Variants in DOCK9 observed in about 807,000 individuals in gnomAD.
The protein encoded by DOCK9 is dedicator of cytokinesis 9.
DOCK9 carries 89 observed loss-of-function variants against 263.3 expected under a neutral mutation model. That is an observed-to-expected ratio of 0.34 (90% confidence interval 0.28 to 0.40). The LOEUF is 0.40. Among genes scored for constraint, DOCK9 ranks in the 10% least tolerant of loss-of-function variants. DOCK9 has a pLI of 1.00. For missense variants in DOCK9, 2,140 were observed against 2,603.4 expected (o/e 0.82, Z 3.87); for synonymous variants, 976 against 973.1 (o/e 1.00, Z -0.06).
At chr13:98,817,364 G>A (rs762302499) in intron 45 of DOCK9, among the ~76,000 whole-genome samples, 1 of 150,388 alleles carries the variant, frequency 6.6e-6, no homozygotes, top group Non-Finnish European at 1.5e-5. Flanking sequence ...CTGCGGAACT[G>A]TGAGTCAATT....
At chr13:98,939,082 G>A (rs1258027931) in intron 2 of DOCK9, among the ~76,000 whole-genome samples, 2 of 152,266 alleles carry the variant, frequency 1.3e-5, no homozygotes, top group East Asian at 3.8e-4. Context: ...GGAGTACCCA[G>A]CAGCCTCCCA....
At chr13:98,955,332 A>G in intron 2 of DOCK9, 103 bp downstream of exon 2, 3 of 761,560 alleles carry the variant, frequency 3.9e-6, no homozygotes, top group Non-Finnish European at 5.9e-6. Flanking sequence ...AAAAATAATA[A>G]TAATAATAAT....
In DOCK9 at chr13:98,824,465, G is replaced by T; in HGVS notation, c.5063C>A (p.Thr1688Asn). The T allele has an allele frequency of 6.2e-7, 1 of 1,613,902 alleles. No individual in the cohort carries two copies. Among genetic ancestry groups the T allele is most frequent in the South Asian group, 1.1e-5 (1 of 91,080 alleles). ...GGAGGCCTCCTCGTCGATGTTTGGG[G>T]TAATGACCCTGAAGGCGGTGCATCC... ...RQGCTAFRVI[T>N]PNIDEEASMM... Residue 1688 changes from threonine to asparagine, a missense_variant, in exon 45 of 53, where the codon ACC (threonine) becomes AAC (asparagine). Around this residue, in one of 2 missense-constraint regions of DOCK9, gnomAD observed 619 missense variants for 861.8 expected, o/e 0.72. Transcript: ENST00000682017.
intron 13 of DOCK9, among the ~76,000 whole-genome samples, chr13:98,899,592 G>A (rs575725431): frequency 7.2e-5 from 11 of 152,260 alleles, no homozygotes; most frequent in South Asian, 2.1e-4. Flanking sequence ...GACTTAGTGG[G>A]GTCTTAGGTG....
In DOCK9 at chr13:98,977,724, C is replaced by T. The variant is rs186014429; in HGVS notation, c.126+60G>A. ...GCAACAGGCGTCAACCCCGTCCACA[C>T]GCACAATAAGAACCCAGCATTGGGT... On this transcript the variant is annotated intron_variant, in intron 1 of 52. Transcript: ENST00000682017. 2.6e-5 allele frequency: 41 copies of T among 1,560,470 alleles called. No homozygotes were observed. In the East Asian group the frequency reaches 4.6e-4, roughly 17 times the overall value.
chr13:98,809,303 T>G, intron 47 of DOCK9, 49 bp downstream of exon 47: 1 of 1,502,876 alleles, frequency 6.7e-7, no homozygotes, highest in East Asian at 2.3e-5. Flanking sequence ...TTGTTTTTGT[T>G]TTTTTTTAAA....
chr13:98,890,990 C>A (rs1484506818), intron 15 of DOCK9, among the ~76,000 whole-genome samples: 2 of 152,126 alleles, frequency 1.3e-5, no homozygotes, highest in Non-Finnish European at 1.5e-5. Context: ...TTCCGCCTTC[C>A]GTTGAAAAGA....
At chr13:99,025,227 C>A (rs1384421076) in intron 1 of DOCK9, 1 of 152,138 alleles carries the variant, frequency 6.6e-6, no homozygotes, top group Admixed American at 6.6e-5. Context: ...CAATTAAAAA[C>A]AAATAGGTGC....
At chr13:99,088,417 T>A (rs1413960230), upstream of DOCK9, 2 of 152,012 alleles carry the variant, frequency 1.3e-5, no homozygotes, top group African/African-American at 4.8e-5. Flanking sequence ...GCTGCAGGAG[T>A]GTGGCCGTTC....
Position 98,885,254 on chromosome 13 carries a change from T to C in DOCK9, c.2261-162A>G, listed in dbSNP as rs1470690182. On this transcript the variant is annotated intron_variant, in intron 20 of 52. Transcript: ENST00000682017. ...AATGTAATCTCTGCAGAACATTGTC[T>C]ACAATGTACTTAGGCCTTTTCGGGG... The C allele has an allele frequency of 1.0e-5, 10 of 986,002 alleles. No individual in the cohort carries two copies. In the East Asian group the frequency reaches 2.4e-4, roughly 24 times the overall value. 61.1% of individuals were successfully genotyped at this position (986,002 alleles called of 1,614,324 possible). A position where few individuals can be genotyped will look rare whatever the true frequency, so the allele number is the denominator to read the frequency against.
Position 98,884,959 on chromosome 13 carries a change from A to T in DOCK9, c.2382+12T>A. On this transcript the variant is annotated intron_variant, in intron 21 of 52. Transcript: ENST00000682017. ...AGAAATTGGGATGACCCAATCTTAA[A>T]ATGGGACATACCCTGCCCATCCCAA... 6.2e-7 allele frequency: 1 copy of T among 1,609,468 alleles called. No individual in the cohort carries two copies. The highest frequency in any genetic ancestry group is 8.5e-7 in the Non-Finnish European group (1 of 1,178,206).
rs190765140 is a variant in DOCK9, at chr13:98,821,050, A to G, written c.5130+3348T>C. Among the ~76,000 whole-genome samples, 698 of 152,324 alleles carry G rather than the reference A, an allele frequency of 4.6e-3. 1 individual carries two copies. The highest frequency in any genetic ancestry group is 0.02 in the Middle Eastern group (6 of 294). On this transcript the variant is annotated intron_variant, in intron 45 of 52. Transcript: ENST00000682017. ...CTGAATGACCACAAAAGTACCAAGG[A>G]GTATTGATTTGGAGGCTACAAAGAA...
intron 1 of DOCK9, among the ~76,000 whole-genome samples, chr13:99,050,290 CA>C (rs2040625987): frequency 6.6e-6 from 1 of 152,090 alleles, no homozygotes; most frequent in African/African-American, 2.4e-5. Context: ...AAAAAAAAAG[CA>C]AAACCACTTC....
chr13:99,037,524 G>C (rs777508228), intron 1 of DOCK9, among the ~76,000 whole-genome samples: 1 of 152,106 alleles, frequency 6.6e-6, no homozygotes, highest in Non-Finnish European at 1.5e-5. Flanking sequence ...AATATAAAAC[G>C]ATATAACTAC....
intron 9 of DOCK9, among the ~76,000 whole-genome samples, chr13:98,910,033 A>G (rs1307878674): frequency 6.6e-6 from 1 of 152,240 alleles, no homozygotes; most frequent in Non-Finnish European, 1.5e-5. Context: ...AACCAAAGTA[A>G]AAGTTGGATG....
At chr13:99,046,040 A>G (rs982410062) in intron 1 of DOCK9, among the ~76,000 whole-genome samples, 17 of 151,572 alleles carry the variant, frequency 1.1e-4, no homozygotes, top group Non-Finnish European at 1.5e-4. Flanking sequence ...GGCGGAGCTT[A>G]CAGTAAGCTG....
chr13:98,801,958 G>A (rs1002277709), intron 49 of DOCK9, among the ~76,000 whole-genome samples: 1 of 152,188 alleles, frequency 6.6e-6, no homozygotes, highest in Non-Finnish European at 1.5e-5. Context: ...AAGGGTTCCC[G>A]ACTTGGTTTC....
At chr13:99,052,182 GGAAACAT>G (rs2040728317) in intron 1 of DOCK9, among the ~76,000 whole-genome samples, 1 of 152,178 alleles carries the variant, frequency 6.6e-6, no homozygotes, top group Non-Finnish European at 1.5e-5. Flanking sequence ...CAGCCCCTAG[GGAAACAT>G]GAAGGCCCTG....
At chr13:98,912,715 T>A (rs74111317) in intron 9 of DOCK9, among the ~76,000 whole-genome samples, 1,709 of 152,234 alleles carry the variant, frequency 0.011, 29 homozygotes, top group African/African-American at 0.038. Flanking sequence ...TTCCTGTATA[T>A]CCTCATAGGA....
Sources: gnomAD v4.1 joint callset for allele counts (sites outside exome capture counted in the v4.1 genomes callset) on GRCh38, gnomAD v4.1.1 for gene constraint, gnomAD v4.1.1 regional missense constraint, MANE v1.5 for transcripts, NCBI Gene and HGNC (gene_info 2026-07-23, HGNC 2026-07-21) for gene names.